The following SHISA9 variants were observed in gnomAD, a reference collection of about 807,000 sequenced individuals.
The protein encoded by SHISA9 is protein shisa-9.
Under a neutral mutation model 38.0 loss-of-function variants are expected in SHISA9, and 13 were observed. That is an observed-to-expected ratio of 0.34 (90% CI 0.22 to 0.54). SHISA9 has a LOEUF of 0.54. Ranked by LOEUF, SHISA9 falls within the 20% of genes least tolerant of loss-of-function variation. SHISA9 has a pLI of 0.91. For missense variants in SHISA9, 538 were observed against 575.8 expected, an observed-to-expected ratio of 0.93 and a Z score of 0.67; for synonymous variants, 275 against 242.0, an observed-to-expected ratio of 1.14 and a Z score of -1.27.
the SHISA9 span, among the ~76,000 whole-genome samples, chr16:13,524,638 G>A: frequency 0.038 from 5,753 of 152,168 alleles, 358 homozygotes; most frequent in African/African-American, 0.13. Context: ...AGCTCACTAC[G>A]GCCTCAAACT....
intron 4 of SHISA9, among the ~76,000 whole-genome samples, chr16:13,223,185 G>T (rs2819681): frequency 0.24 from 37,217 of 152,054 alleles, 5,386 homozygotes; most frequent in African/African-American, 0.39. Context: ...CCAGTACTTT[G>T]GGAGGCTGAG....
chr16:13,400,689 C>G, the SHISA9 span, among the ~76,000 whole-genome samples: 1 of 152,116 alleles, frequency 6.6e-6, no homozygotes, highest in Non-Finnish European at 1.5e-5. Context: ...TTCCAATAAC[C>G]CTGACTCCAT....
the SHISA9 span, among the ~76,000 whole-genome samples, chr16:13,327,512 A>G: frequency 6.6e-6 from 1 of 152,002 alleles, no homozygotes; most frequent in Non-Finnish European, 1.5e-5. Flanking sequence ...GACACTCGGG[A>G]GACTGAGGCA....
chr16:13,007,678 G>A (rs1209744383), intron 2 of SHISA9, among the ~76,000 whole-genome samples: 1 of 152,158 alleles, frequency 6.6e-6, no homozygotes, highest in Non-Finnish European at 1.5e-5. Flanking sequence ...CTCTCACATG[G>A]CCCATGCAGA....
At chr16:12,923,277 C>T (rs966676035) in intron 2 of SHISA9, among the ~76,000 whole-genome samples, 5 of 152,198 alleles carry the variant, frequency 3.3e-5, no homozygotes, top group African/African-American at 1.2e-4. Context: ...CACGTGTAAT[C>T]CCAGCACTTT....
At chr16:13,500,686 T>A in the SHISA9 span, among the ~76,000 whole-genome samples, 1 of 151,504 alleles carries the variant, frequency 6.6e-6, no homozygotes, top group South Asian at 2.1e-4. Context: ...AAGACAGGGA[T>A]TATGTAACTA....
the SHISA9 span, among the ~76,000 whole-genome samples, chr16:13,358,841 A>T: frequency 6.6e-6 from 1 of 152,214 alleles, no homozygotes; most frequent in Non-Finnish European, 1.5e-5. Context: ...GATATGATTG[A>T]CAGGCCTAGA....
At chr16:13,362,926 A>G in the SHISA9 span, among the ~76,000 whole-genome samples, 1 of 152,194 alleles carries the variant, frequency 6.6e-6, no homozygotes, top group Non-Finnish European at 1.5e-5. Context: ...CAGTTCCCAC[A>G]TATAAAAGGA....
intron 2 of SHISA9, among the ~76,000 whole-genome samples, chr16:13,112,827 T>C (rs144079210): frequency 3.2e-4 from 48 of 152,098 alleles, no homozygotes; most frequent in African/African-American, 1.1e-3. Context: ...ATGTGTGGGG[T>C]TGACATTCTT....
intron 4 of SHISA9, among the ~76,000 whole-genome samples, chr16:13,227,430 C>T (rs1248525719): frequency 6.6e-6 from 1 of 152,158 alleles, no homozygotes; most frequent in Non-Finnish European, 1.5e-5. Flanking sequence ...ATGAAGTCAA[C>T]CATTGCTCCC....
At position 12,960,470 on chromosome 16, in the gene SHISA9, T is replaced by C. The variant is rs144086215; in HGVS notation, c.691+43655T>C. On this transcript the variant is annotated intron_variant, in intron 2 of 4. Coordinates refer to ENST00000558583, the MANE Select transcript of SHISA9 (RefSeq NM_001145204.3). ...TATTCTAAAGATACGTGCACACATA[T>C]GTTCATTGCAGCAATATTCACAATA... Among the ~76,000 whole-genome samples the C allele has an allele frequency of 4.6e-3, 706 of 152,278 alleles. 2 individuals are homozygous for C. Among genetic ancestry groups the C allele is most frequent in the African/African-American group, 0.016 (684 of 41,538 alleles).
chr16:13,164,677 G>A (rs1053007157), intron 2 of SHISA9, among the ~76,000 whole-genome samples: 2 of 151,974 alleles, frequency 1.3e-5, no homozygotes, highest in Non-Finnish European at 1.5e-5. Flanking sequence ...CACACATTTC[G>A]ATATGTTACA....
the SHISA9 span, among the ~76,000 whole-genome samples, chr16:13,543,498 A>C: frequency 1.3e-5 from 2 of 152,206 alleles, no homozygotes; most frequent in African/African-American, 4.8e-5. Flanking sequence ...AATCTGACCA[A>C]GACCACTCAG....
chr16:13,525,195 G>T, the SHISA9 span, among the ~76,000 whole-genome samples: 5 of 152,128 alleles, frequency 3.3e-5, no homozygotes, highest in Non-Finnish European at 5.9e-5. Flanking sequence ...GCTAGCCTGG[G>T]AACCACCCTT....
intron 3 of SHISA9, among the ~76,000 whole-genome samples, chr16:13,211,498 G>A (rs888986123): frequency 4.6e-5 from 7 of 151,930 alleles, no homozygotes; most frequent in Non-Finnish European, 8.8e-5. Context: ...ATAAAAATGA[G>A]AAATATTTTC....
the SHISA9 span, among the ~76,000 whole-genome samples, chr16:13,559,955 G>A: frequency 6.6e-6 from 1 of 152,062 alleles, no homozygotes; most frequent in Non-Finnish European, 1.5e-5. Flanking sequence ...AAGTTAATGG[G>A]GAATAAAGAG....
At chr16:12,924,834 T>TTGC (rs1212293588) in intron 2 of SHISA9, among the ~76,000 whole-genome samples, 1 of 152,168 alleles carries the variant, frequency 6.6e-6, no homozygotes, top group African/African-American at 2.4e-5. Flanking sequence ...GATTGGGTAT[T>TTGC]TGCTGTGTAC....
intron 2 of SHISA9, among the ~76,000 whole-genome samples, chr16:13,186,360 C>T (rs559837604): frequency 2.3e-5 from 3 of 130,650 alleles, no homozygotes; most frequent in Non-Finnish European, 3.1e-5. Flanking sequence ...TGCAGTGGTG[C>T]GATCTCGGCT....
chr16:12,966,461 C>G (rs576406724), intron 2 of SHISA9, among the ~76,000 whole-genome samples: 1 of 152,130 alleles, frequency 6.6e-6, no homozygotes, highest in Admixed American at 6.5e-5. Flanking sequence ...CACCATGTTG[C>G]CCAGGCTGGT....
Sources: gnomAD v4.1 joint callset for allele counts (sites outside exome capture counted in the v4.1 genomes callset) on GRCh38, gnomAD v4.1.1 for gene constraint, MANE v1.5 for transcripts, NCBI Gene and HGNC (gene_info 2026-07-23, HGNC 2026-07-21) for gene names.